CNTN3: variants seen among roughly 807,000 people sequenced by gnomAD.
The protein encoded by CNTN3 is contactin-3.
A neutral mutation model predicts 119.1 loss-of-function variants in CNTN3; 60 were observed. That is an observed-to-expected ratio of 0.50 (90% CI 0.41 to 0.62). The LOEUF (loss-of-function observed/expected upper bound fraction) is 0.62. Ranked by LOEUF, CNTN3 falls within the 20% of genes least tolerant of loss-of-function variation. The pLI is 0.00. For synonymous variants in CNTN3, 450 were observed against 438.7 expected (o/e 1.03, Z -0.32); for missense variants, 1,101 against 1,242.4 (o/e 0.89, Z 1.71).
At chr3:74,485,588 CAG>C (rs1333831380) in intron 4 of CNTN3, among the ~76,000 whole-genome samples, 1 of 151,870 alleles carries the variant, frequency 6.6e-6, no homozygotes, top group South Asian at 2.1e-4. Flanking sequence ...ATGGGGAAAA[CAG>C]AAAGAATACT....
chr3:74,585,593 T>C (rs1704580208), intron 1 of CNTN3, among the ~76,000 whole-genome samples: 1 of 152,158 alleles, frequency 6.6e-6, no homozygotes, highest in African/African-American at 2.4e-5. Context: ...TAAAGTAATA[T>C]CGATCTTTTG....
intron 11 of CNTN3, among the ~76,000 whole-genome samples, chr3:74,344,872 C>G (rs967265159): frequency 7.4e-6 from 1 of 135,794 alleles, no homozygotes; most frequent in Non-Finnish European, 1.5e-5. Flanking sequence ...TACGTATACA[C>G]ACACACACAC....
rs141340582 is a variant in CNTN3, at chr3:74,511,106, G to A, written c.55+9952C>T. On this transcript the variant is annotated intron_variant, in intron 2 of 22. Transcript: ENST00000263665. ...TTAAATTTGGATCAAAGAATTTCAG[G>A]AGGGGAGAAAACACTTCCTTTAAAT... Among the ~76,000 whole-genome samples, 154 of 152,172 alleles carry A rather than the reference G, an allele frequency of 1.0e-3. 1 individual carries two copies. Among genetic ancestry groups the A allele is most frequent in the African/African-American group, 3.6e-3 (150 of 41,538 alleles).
At chr3:74,557,727 G>GAAAAAA (rs5850189) in intron 1 of CNTN3, among the ~76,000 whole-genome samples, 1 of 136,976 alleles carries the variant, frequency 7.3e-6, no homozygotes. Flanking sequence ...AGCAACAGAT[G>GAAAAAA]AAAAAAAAAA....
intron 4 of CNTN3, among the ~76,000 whole-genome samples, chr3:74,462,818 G>C (rs1362486262): frequency 6.6e-6 from 1 of 152,024 alleles, no homozygotes; most frequent in East Asian, 1.9e-4. Flanking sequence ...ATTCTCCTTA[G>C]GATAAAGCCT....
chr3:74,385,285 C>G (rs1466979297), intron 5 of CNTN3, among the ~76,000 whole-genome samples: 3 of 152,122 alleles, frequency 2.0e-5, no homozygotes, highest in African/African-American at 7.2e-5. Context: ...TTAATGGTGG[C>G]TAGTAGACAG....
At chr3:74,339,021 A>G (rs1344537988) in intron 11 of CNTN3, among the ~76,000 whole-genome samples, 2 of 152,304 alleles carry the variant, frequency 1.3e-5, no homozygotes, top group Middle Eastern at 3.4e-3. Flanking sequence ...AAATCTCTTT[A>G]TACCTTAGCC....
chr3:74,360,709 C>G (rs1159481783), intron 11 of CNTN3, among the ~76,000 whole-genome samples: 1 of 152,108 alleles, frequency 6.6e-6, no homozygotes, highest in Non-Finnish European at 1.5e-5. Flanking sequence ...AATTCAGCCT[C>G]TTGTGGTCAT....
At chr3:74,540,160 C>CATTA (rs1489768860) in intron 1 of CNTN3, among the ~76,000 whole-genome samples, 1 of 152,056 alleles carries the variant, frequency 6.6e-6, no homozygotes, top group Non-Finnish European at 1.5e-5. Context: ...TGTGAGCTTC[C>CATTA]TAATTCTCTG....
At chr3:74,484,027 T>A (rs1372457183) in intron 4 of CNTN3, among the ~76,000 whole-genome samples, 1 of 152,162 alleles carries the variant, frequency 6.6e-6, no homozygotes, top group African/African-American at 2.4e-5. Flanking sequence ...TTTCTTCATA[T>A]GTTATCAGGT....
chr3:74,292,832 C>T (rs1477129027), intron 19 of CNTN3, among the ~76,000 whole-genome samples: 4 of 152,212 alleles, frequency 2.6e-5, no homozygotes, highest in Non-Finnish European at 5.9e-5. Flanking sequence ...TATATCTTTA[C>T]CTCCATTGCC....
In CNTN3 at chr3:74,290,714, C is replaced by T. The variant is rs572299712; in HGVS notation, c.2517+4407G>A. ...TATTTTCTTTTTTTCTTTTTTGAGA[C>T]GGAGTCTCGCTGTGTTGCCCAGGCT... On this transcript the variant is annotated intron_variant, in intron 19 of 22. Transcript: ENST00000263665. Among the ~76,000 whole-genome samples, 66 of 152,008 alleles carry T rather than the reference C, an allele frequency of 4.3e-4. 2 individuals are homozygous for T. In the South Asian group the frequency reaches 0.011, roughly 26 times the overall value.
intron 4 of CNTN3, among the ~76,000 whole-genome samples, chr3:74,432,352 T>C (rs910799393): frequency 3.7e-5 from 5 of 135,592 alleles, no homozygotes; most frequent in African/African-American, 1.4e-4. Flanking sequence ...GGGCCACACA[T>C]AAAATACATT....
At position 74,308,369 on chromosome 3, in the gene CNTN3, G is replaced by T. The variant is rs573753907; in HGVS notation, c.1669-5562C>A. Among the ~76,000 whole-genome samples the T allele has an allele frequency of 2.5e-3, 382 of 152,304 alleles. 3 individuals are homozygous for T. Among genetic ancestry groups the T allele is most frequent in the African/African-American group, 8.7e-3 (362 of 41,562 alleles). On this transcript the variant is annotated intron_variant, in intron 13 of 22. Transcript: ENST00000263665. ...AGGTGATATTTAAGACAGGTAAGAT[G>T]CAATCAGTTAATATCAAAATTTGCT...
rs1200700825 is a variant in CNTN3 at position 74,338,407 on chromosome 3, C to CATATGTGTATACAT, written c.1365-1763_1365-1750dup. Among the ~76,000 whole-genome samples the CATATGTGTATACAT allele has an allele frequency of 3.3e-5, 5 of 151,526 alleles. No individual in the cohort carries two copies. The East Asian group carries it at 9.7e-4, about 29-fold the overall frequency. On this transcript the variant is annotated intron_variant, in intron 11 of 22. Transcript: ENST00000263665. ...ATATGTGTATGTGTGTATATATATA[C>CATATGTGTATACAT]ATATGTGTATACATATATGTGTATA...
At chr3:74,467,830 G>T (rs1471876222) in intron 4 of CNTN3, among the ~76,000 whole-genome samples, 2 of 152,026 alleles carry the variant, frequency 1.3e-5, no homozygotes, top group African/African-American at 4.8e-5. Context: ...CCAACAGAAC[G>T]GTAATAAAGG....
chr3:74,295,028 T>C, intron 19 of CNTN3, 93 bp downstream of exon 19: 1 of 801,662 alleles, frequency 1.2e-6, no homozygotes, highest in Non-Finnish European at 1.9e-6. Flanking sequence ...AAAGACAGAC[T>C]TCAAATAAGA....
intron 3 of CNTN3, among the ~76,000 whole-genome samples, chr3:74,498,775 A>C (rs7429374): frequency 0.88 from 134,091 of 151,762 alleles, 59,630 homozygotes; most frequent in Non-Finnish European, 0.94. Flanking sequence ...TTTTGTCAAG[A>C]AAACTAATAG....
At chr3:74,429,694 A>G (rs1241251684) in intron 4 of CNTN3, among the ~76,000 whole-genome samples, 3 of 152,108 alleles carry the variant, frequency 2.0e-5, no homozygotes, top group Non-Finnish European at 2.9e-5. Flanking sequence ...AAGAGGATGT[A>G]AAGAAAAGCT....
Sources: gnomAD v4.1 joint callset for allele counts (sites outside exome capture counted in the v4.1 genomes callset) on GRCh38, gnomAD v4.1.1 for gene constraint, MANE v1.5 for transcripts, NCBI Gene and HGNC (gene_info 2026-07-23, HGNC 2026-07-21) for gene names.